RBM27: variants seen among roughly 807,000 people sequenced by gnomAD.
RBM27 encodes RNA-binding protein 27.
Under a neutral mutation model 135.3 loss-of-function variants are expected in RBM27, and 22 were observed. That is an observed-to-expected ratio of 0.16 (90% CI 0.12 to 0.23). RBM27 has a LOEUF of 0.23. Ranked by LOEUF, RBM27 falls within the 10% of genes least tolerant of loss-of-function variation. The pLI is 1.00. For synonymous variants in RBM27, 481 were observed against 442.4 expected (o/e 1.09, Z -1.10); for missense variants, 1,009 against 1,281.0 (o/e 0.79, Z 3.24).
At chr5:146,280,514 C>A (rs977448628) in intron 19 of RBM27, among the ~76,000 whole-genome samples, 10 of 152,182 alleles carry the variant, frequency 6.6e-5, no homozygotes, top group Admixed American at 6.5e-4. Context: ...TTCCAATACC[C>A]CAATCTCCCT....
intron 8 of RBM27, among the ~76,000 whole-genome samples, chr5:146,243,641 A>G (rs1757502445): frequency 6.6e-6 from 1 of 152,268 alleles, no homozygotes; most frequent in South Asian, 2.1e-4. Flanking sequence ...TTTGATTCAA[A>G]TAAAGTAAAA....
chr5:146,280,768 C>G (rs1484842935), intron 19 of RBM27, among the ~76,000 whole-genome samples: 1 of 152,154 alleles, frequency 6.6e-6, no homozygotes, highest in Non-Finnish European at 1.5e-5. Context: ...CCGTTTTCAG[C>G]TGAGATAGAA....
At chr5:146,230,587 A>G in intron 5 of RBM27, 70 bp from the exon 6 acceptor site, 3 of 1,487,958 alleles carry the variant, frequency 2.0e-6, no homozygotes, top group Non-Finnish European at 1.8e-6. Context: ...ATGTGAGAAA[A>G]TAAATATAGT....
chr5:146,261,432 T>G, intron 12 of RBM27, 78 bp from the exon 13 acceptor site: 1 of 1,193,796 alleles, frequency 8.4e-7, no homozygotes, highest in Non-Finnish European at 1.2e-6. Flanking sequence ...GGGAAAACAT[T>G]CATTACATAG....
chr5:146,261,440 T>C, intron 12 of RBM27, 70 bp from the exon 13 acceptor site: 1 of 1,269,674 alleles, frequency 7.9e-7, no homozygotes, highest in Non-Finnish European at 1.1e-6. Context: ...ATTCATTACA[T>C]AGCAGTGGGT....
At chr5:146,224,597 G>A (rs991886255) in intron 3 of RBM27, among the ~76,000 whole-genome samples, 2 of 151,904 alleles carry the variant, frequency 1.3e-5, no homozygotes. Context: ...CAGGAGAATC[G>A]CTTGAACCCG....
intron 3 of RBM27, among the ~76,000 whole-genome samples, chr5:146,226,083 G>A (rs368018791): frequency 6.8e-6 from 1 of 148,052 alleles, no homozygotes; most frequent in Non-Finnish European, 1.5e-5. Context: ...GGCCAGGCTG[G>A]TCTTAAACTC....
intron 14 of RBM27, among the ~76,000 whole-genome samples, chr5:146,266,947 G>A (rs1758641609): frequency 6.6e-6 from 1 of 151,958 alleles, no homozygotes; most frequent in South Asian, 2.1e-4. Context: ...AAGAAGAAAG[G>A]AAAACTTTAA....
At chr5:146,274,767 T>G (rs1759021775) in intron 19 of RBM27, among the ~76,000 whole-genome samples, 2 of 152,134 alleles carry the variant, frequency 1.3e-5, no homozygotes, top group African/African-American at 4.8e-5. Context: ...ATATTTAATT[T>G]ACAGTGCAGG....
intron 7 of RBM27, among the ~76,000 whole-genome samples, chr5:146,236,123 A>G (rs540723306): frequency 2.0e-5 from 3 of 152,330 alleles, no homozygotes; most frequent in Admixed American, 2.0e-4. Context: ...TCAGCGTGGG[A>G]ACATATCTAT....
intron 8 of RBM27, among the ~76,000 whole-genome samples, chr5:146,250,357 C>T (rs184002336): frequency 2.0e-5 from 3 of 147,328 alleles, no homozygotes; most frequent in Admixed American, 1.4e-4. Context: ...AGGAGAATGG[C>T]GTGAACCCGG....
At chr5:146,208,508 G>A (rs111600992) in intron 1 of RBM27, among the ~76,000 whole-genome samples, 3,298 of 151,914 alleles carry the variant, frequency 0.022, 136 homozygotes, top group African/African-American at 0.076. Context: ...TATCTCAGTC[G>A]AGAAGTTTGT....
rs369174655 is a variant in RBM27 at position 146,251,703 on chromosome 5, C to T, written c.1280-8C>T. 3.7e-6 allele frequency: 6 copies of T among 1,600,946 alleles called. No homozygotes were observed. The highest frequency in any genetic ancestry group is 3.4e-6 in the Non-Finnish European group (4 of 1,168,564). On this transcript the variant is annotated splice_region_variant and splice_polypyrimidine_tract_variant and intron_variant, in intron 8 of 20. Transcript: ENST00000265271. ...TTCCCAGCTGCCCTCCTATTCTTTC[C>T]TCTATAGGACAGCCCATGTACTCTC... is the stretch of plus-strand genomic sequence containing the variant.
intron 19 of RBM27, among the ~76,000 whole-genome samples, chr5:146,275,292 C>A (rs750426026): frequency 6.6e-6 from 1 of 151,234 alleles, no homozygotes; most frequent in Non-Finnish European, 1.5e-5. Flanking sequence ...TTTTTGGAGA[C>A]GGAGTCTTGC....
chr5:146,204,906 T>A (rs1353334510), intron 1 of RBM27, among the ~76,000 whole-genome samples: 1 of 148,996 alleles, frequency 6.7e-6, no homozygotes, highest in Non-Finnish European at 1.5e-5. Context: ...TTTTATAACC[T>A]TTTTTTTTTG....
At chr5:146,211,717 GTA>G (rs201802974) in intron 1 of RBM27, among the ~76,000 whole-genome samples, 1,613 of 151,872 alleles carry the variant, frequency 0.011, 32 homozygotes, top group African/African-American at 0.037. Context: ...CTGACCTCAG[GTA>G]ATCCGCCCCT....
At chr5:146,208,613 A>G (rs1182490871) in intron 1 of RBM27, among the ~76,000 whole-genome samples, 1 of 152,208 alleles carries the variant, frequency 6.6e-6, no homozygotes, top group Non-Finnish European at 1.5e-5. Context: ...TATCCTAGTC[A>G]TAGAGACTGT....
chr5:146,261,832 GGTCTTTTA>G, intron 13 of RBM27, 26 bp downstream of exon 13: 1 of 1,612,530 alleles, frequency 6.2e-7, no homozygotes, highest in Non-Finnish European at 8.5e-7. Flanking sequence ...GGGAATTAAA[GGTCTTTTA>G]GTTACACCCT....
At chr5:146,241,979 C>T (rs1429959182) in intron 8 of RBM27, among the ~76,000 whole-genome samples, 2 of 151,946 alleles carry the variant, frequency 1.3e-5, no homozygotes, top group East Asian at 1.9e-4. Context: ...TTAGTAGGCA[C>T]AGGTTCTTGC....
Sources: allele counts gnomAD v4.1 joint callset (sites outside exome capture counted in the v4.1 genomes callset), GRCh38; gene constraint gnomAD v4.1.1; transcripts MANE v1.5; gene names NCBI Gene and HGNC (gene_info 2026-07-23, HGNC 2026-07-21).